Variants in SYN2 observed in about 807,000 individuals in gnomAD.
SYN2 encodes synapsin II.
SYN2 carries 19 observed loss-of-function variants against 50.9 expected under a neutral mutation model. The observed-to-expected ratio is 0.37, with a 90% CI of 0.26 to 0.55. The LOEUF (loss-of-function observed/expected upper bound fraction) is 0.55, where lower values mean the gene tolerates loss of function less well. Among genes scored for constraint, SYN2 ranks in the 20% least tolerant of loss-of-function variants. The probability of loss-of-function intolerance (pLI) is 0.81; values close to 1 mark genes in which losing one functional copy is unlikely to be tolerated. For synonymous variants in SYN2, 255 were observed against 224.9 expected (o/e 1.13, Z -1.20); for missense variants, 587 against 576.4 (o/e 1.02, Z -0.19).
chr3:12,060,359 A>G (rs1193493397), intron 1 of SYN2, among the ~76,000 whole-genome samples: 1 of 151,882 alleles, frequency 6.6e-6, no homozygotes, highest in African/African-American at 2.4e-5. Context: ...ACAAAGACCT[A>G]CTCTCCAGAG....
intron 1 of SYN2, among the ~76,000 whole-genome samples, chr3:12,010,571 A>G (rs1198957678): frequency 6.6e-6 from 1 of 152,254 alleles, no homozygotes; most frequent in Non-Finnish European, 1.5e-5. Flanking sequence ...ATGTGCCACC[A>G]TGTATTCTTA....
intron 1 of SYN2, among the ~76,000 whole-genome samples, chr3:12,119,081 G>A (rs975814857): frequency 3.3e-5 from 5 of 151,956 alleles, no homozygotes; most frequent in Admixed American, 2.6e-4. Flanking sequence ...CATTTTTCCT[G>A]CTTTTCAGTT....
At chr3:12,099,231 T>TAG (rs1696014470) in intron 1 of SYN2, among the ~76,000 whole-genome samples, 1 of 152,134 alleles carries the variant, frequency 6.6e-6, no homozygotes, top group Non-Finnish European at 1.5e-5. Context: ...GAAATATCTA[T>TAG]AGAACACCCA....
At chr3:12,145,946 T>TA (rs1697140814) in intron 4 of SYN2, 111 bp downstream of exon 4, 1 of 1,470,232 alleles carries the variant, frequency 6.8e-7, no homozygotes, top group Admixed American at 1.9e-5. Context: ...GGAGGGTCCC[T>TA]ACATCTTCCA....
intron 5 of SYN2, among the ~76,000 whole-genome samples, chr3:12,153,943 A>G (rs1256106848): frequency 6.6e-6 from 1 of 152,200 alleles, no homozygotes; most frequent in African/African-American, 2.4e-5. Flanking sequence ...TCCTTACTCT[A>G]CCACTGACCT....
In SYN2 at chr3:12,161,917, T is replaced by C; in HGVS notation, c.838-95T>C. The stretch of plus-strand genomic sequence containing the variant: ...CAGATTAGTGTCTGGATCGGATACA[T>C]ATTGGTGGGTTTGGAGGCTCAGGGC... On this transcript the variant is annotated intron_variant, in intron 6 of 12. Transcript: ENST00000621198. The C allele has an allele frequency of 5.2e-6, 8 of 1,524,930 alleles. No homozygotes were observed. In the South Asian group the frequency reaches 8.8e-5, roughly 17 times the overall value. 94.5% of individuals were successfully genotyped at this position (1,524,930 alleles called of 1,614,324 possible).
intron 3 of SYN2, among the ~76,000 whole-genome samples, chr3:12,143,112 G>T (rs148792987): frequency 6.6e-6 from 1 of 152,258 alleles, no homozygotes; most frequent in East Asian, 1.9e-4. Context: ...AAGAATAAAG[G>T]CAGGCCCTTC....
chr3:12,164,698 C>T (rs1330327245), intron 7 of SYN2, among the ~76,000 whole-genome samples: 1 of 152,122 alleles, frequency 6.6e-6, no homozygotes, highest in African/African-American at 2.4e-5. Flanking sequence ...CTCAGTGTCC[C>T]CTTTGCTCCC....
chr3:12,057,438 T>C (rs1056169601), intron 1 of SYN2, among the ~76,000 whole-genome samples: 6 of 152,138 alleles, frequency 3.9e-5, no homozygotes, highest in Non-Finnish European at 8.8e-5. Flanking sequence ...TGAGAAGTCC[T>C]AGAACAATCT....
At chr3:12,135,681 G>T (rs889290994) in intron 1 of SYN2, among the ~76,000 whole-genome samples, 1 of 152,200 alleles carries the variant, frequency 6.6e-6, no homozygotes, top group African/African-American at 2.4e-5. Flanking sequence ...AGGAAGGAAA[G>T]AACTTGACCC....
chr3:12,081,067 T>A (rs1331072609), intron 1 of SYN2, among the ~76,000 whole-genome samples: 2 of 152,238 alleles, frequency 1.3e-5, no homozygotes, highest in Non-Finnish European at 2.9e-5. Flanking sequence ...ATCTGAATTT[T>A]AGATTTTAGT....
At chr3:12,033,362 C>T (rs970480762) in intron 1 of SYN2, among the ~76,000 whole-genome samples, 4 of 152,182 alleles carry the variant, frequency 2.6e-5, no homozygotes, top group African/African-American at 7.2e-5. Context: ...TGTTCCTATT[C>T]GGCTGGTTAT....
intron 1 of SYN2, among the ~76,000 whole-genome samples, chr3:12,108,364 C>G (rs981378610): frequency 2.0e-5 from 3 of 152,152 alleles, no homozygotes; most frequent in Admixed American, 6.6e-5. Context: ...GAAAATAACG[C>G]AGATATCCCT....
intron 1 of SYN2, among the ~76,000 whole-genome samples, chr3:12,015,574 ATAAAGTG>A (rs1423033528): frequency 6.6e-6 from 1 of 152,238 alleles, no homozygotes; most frequent in East Asian, 1.9e-4. Context: ...AAATCTTTTT[ATAAAGTG>A]TAAAGTGCTA....
intron 1 of SYN2, among the ~76,000 whole-genome samples, chr3:12,137,693 G>A (rs1180461499): frequency 5.9e-5 from 9 of 152,066 alleles, no homozygotes; most frequent in African/African-American, 2.2e-4. Flanking sequence ...ATATTTTTAA[G>A]TGCAAAAAAC....
At chr3:12,171,661 A>G (rs1383193419) in intron 10 of SYN2, among the ~76,000 whole-genome samples, 3 of 152,236 alleles carry the variant, frequency 2.0e-5, no homozygotes, top group African/African-American at 7.2e-5. Flanking sequence ...GGAGACCTGC[A>G]TTTAGCCCTG....
chr3:12,097,407 C>A (rs1387134364), intron 1 of SYN2, among the ~76,000 whole-genome samples: 1 of 151,908 alleles, frequency 6.6e-6, no homozygotes, highest in Non-Finnish European at 1.5e-5. Flanking sequence ...GAGATCAAGA[C>A]CATCCTGGCT....
intron 1 of SYN2, among the ~76,000 whole-genome samples, chr3:12,042,214 G>A (rs929424657): frequency 3.9e-5 from 6 of 152,222 alleles, no homozygotes; most frequent in East Asian, 1.9e-4. Flanking sequence ...ATAATGACTA[G>A]TATTTGTATA....
chr3:12,034,984 G>A (rs951905191), intron 1 of SYN2, among the ~76,000 whole-genome samples: 5 of 152,112 alleles, frequency 3.3e-5, no homozygotes, highest in Admixed American at 6.5e-5. Flanking sequence ...AGTTCATCCC[G>A]AGGTAAGTTT....
Sources: allele counts gnomAD v4.1 joint callset (sites outside exome capture counted in the v4.1 genomes callset), GRCh38; gene constraint gnomAD v4.1.1; transcripts MANE v1.5; gene names NCBI Gene and HGNC (gene_info 2026-07-23, HGNC 2026-07-21).